The following WDR27 variants were observed in gnomAD, a reference collection of about 807,000 sequenced individuals.
WDR27 encodes WD repeat-containing protein 27.
Under a neutral mutation model 114.4 loss-of-function variants are expected in WDR27, and 100 were observed. The observed-to-expected ratio is 0.87, with a 90% CI of 0.74 to 1.03. The LOEUF is 1.03. WDR27 is among the 50% of genes least tolerant of loss of function. The pLI, the probability that WDR27 is intolerant of heterozygous loss-of-function variation, is 0.00. For synonymous variants in WDR27, 449 were observed against 423.1 expected, an observed-to-expected ratio of 1.06 and a Z score of -0.75; for missense variants, 1,129 against 1,092.9, an observed-to-expected ratio of 1.03 and a Z score of -0.47.
At chr6:169,665,033 GCGGGCACGGGGGATGCCACACA>G in intron 7 of WDR27, 1 of 3,550 alleles carries the variant, frequency 2.8e-4, no homozygotes, top group African/African-American at 2.0e-3. Flanking sequence ...CGGGCAGCGT[GCGGGCACGGGGGATGCCACACA>G]GGAGCCGTCC....
chr6:169,460,396 A>G (rs962555572), intron 25 of WDR27, among the ~76,000 whole-genome samples: 3 of 152,206 alleles, frequency 2.0e-5, no homozygotes, highest in African/African-American at 4.8e-5. Flanking sequence ...AGAATACTAC[A>G]TGTAATTCCC....
At chr6:169,449,359 G>A in the WDR27 span, among the ~76,000 whole-genome samples, 1 of 152,124 alleles carries the variant, frequency 6.6e-6, no homozygotes, top group African/African-American at 2.4e-5. Context: ...CAAACTCCAG[G>A]GGAATTCCTG....
intron 2 of WDR27, among the ~76,000 whole-genome samples, chr6:169,674,587 A>T (rs1779600155): frequency 6.6e-6 from 1 of 152,230 alleles, no homozygotes; most frequent in African/African-American, 2.4e-5. Context: ...GAGCTGTGGG[A>T]AACTTCACGT....
chr6:169,586,847 CAAAAA>C (rs3029697), intron 23 of WDR27, among the ~76,000 whole-genome samples: 7 of 32,056 alleles, frequency 2.2e-4, no homozygotes, highest in South Asian at 2.1e-3. Context: ...GACTCTGTCT[CAAAAA>C]AAAAAAAAAA....
chr6:169,437,652 T>C, the WDR27 span, among the ~76,000 whole-genome samples: 1 of 152,190 alleles, frequency 6.6e-6, no homozygotes, highest in African/African-American at 2.4e-5. Flanking sequence ...AAGGTACATA[T>C]TGTTGCTTAA....
the WDR27 span, among the ~76,000 whole-genome samples, chr6:169,442,265 A>G: frequency 6.6e-6 from 1 of 152,334 alleles, no homozygotes; most frequent in East Asian, 1.9e-4. Context: ...GGCTCCCTTT[A>G]TTGCCCTCAC....
chr6:169,491,757 C>G (rs1333581436), intron 25 of WDR27, among the ~76,000 whole-genome samples: 1 of 152,120 alleles, frequency 6.6e-6, no homozygotes, highest in Non-Finnish European at 1.5e-5. Flanking sequence ...TTAAGCTCAA[C>G]AGCAGGTCCA....
intron 25 of WDR27, among the ~76,000 whole-genome samples, chr6:169,497,760 A>T (rs1469721340): frequency 6.6e-6 from 1 of 152,178 alleles, no homozygotes. Flanking sequence ...ACAAATATTG[A>T]TGAGGAGGTG....
intron 23 of WDR27, among the ~76,000 whole-genome samples, chr6:169,583,426 A>AT (rs1803861107): frequency 1.4e-5 from 2 of 144,160 alleles, no homozygotes; most frequent in Admixed American, 7.0e-5. Flanking sequence ...AAATACTTAG[A>AT]TTTTTTATAG....
At chr6:169,644,461 C>A (rs924146859) in intron 16 of WDR27, among the ~76,000 whole-genome samples, 7 of 151,640 alleles carry the variant, frequency 4.6e-5, no homozygotes, top group Non-Finnish European at 8.8e-5. Flanking sequence ...TCACAGGAGT[C>A]ACACTGTAGA....
At chr6:169,475,684 A>G (rs1284124710) in intron 25 of WDR27, among the ~76,000 whole-genome samples, 1 of 152,212 alleles carries the variant, frequency 6.6e-6, no homozygotes, top group Non-Finnish European at 1.5e-5. Flanking sequence ...CATATTTAAT[A>G]TGTATCAAGC....
chr6:169,670,804 G>A (rs1165670080), intron 3 of WDR27, 111 bp from the exon 4 acceptor site: 3 of 1,372,160 alleles, frequency 2.2e-6, no homozygotes, highest in Admixed American at 4.0e-5. Flanking sequence ...CTGAGAGAAT[G>A]ACAATGAGCT....
At position 169,569,024 on chromosome 6, in the gene WDR27, G is replaced by A. The variant is rs372612650; in HGVS notation, c.2645+3395C>T. On this transcript the variant is annotated intron_variant, in intron 25 of 25. Transcript: ENST00000448612. ...AGGAAGAGACGCCGCCCACCCAAAAGCTTTGAAGCCCCTCTTCCATCAACA... is the reference window on the plus strand; with the variant it reads ...AGGAAGAGACGCCGCCCACCCAAAAACTTTGAAGCCCCTCTTCCATCAACA... 1.8e-4 allele frequency among the ~76,000 whole-genome samples: 27 copies of A among 152,186 alleles called. No homozygotes were observed. In the East Asian group the frequency reaches 2.7e-3, roughly 15 times the overall value.
At position 169,614,150 on chromosome 6, in the gene WDR27, T is replaced by G. The variant is rs796976452; in HGVS notation, c.2224-494A>C. On this transcript the variant is annotated intron_variant, in intron 21 of 25. Transcript: ENST00000448612. ...GCCCTGACTCTGACTTGCTCCCCTT[T>G]CCCTGTGCTGCTATCAGAAGCAATT... Among the ~76,000 whole-genome samples, 3 of 152,250 alleles carry G rather than the reference T, an allele frequency of 2.0e-5. No homozygotes were observed. In the South Asian group the frequency reaches 6.2e-4, roughly 32 times the overall value.
intron 6 of WDR27, 57 bp from the exon 7 acceptor site, chr6:169,665,613 C>A: frequency 6.6e-7 from 1 of 1,505,900 alleles, no homozygotes; most frequent in South Asian, 1.2e-5. Context: ...CCAATTAACC[C>A]GAGAACTGTC....
intron 23 of WDR27, among the ~76,000 whole-genome samples, chr6:169,599,230 A>C (rs1807448603): frequency 6.6e-6 from 1 of 151,874 alleles, no homozygotes; most frequent in Non-Finnish European, 1.5e-5. Flanking sequence ...AAAAGAGCAC[A>C]GAGGACAATA....
rs372429980 is a variant in WDR27, at chr6:169,598,285, G to C, written c.2424+3934C>G. 1.9e-4 allele frequency among the ~76,000 whole-genome samples: 29 copies of C among 152,308 alleles called. No individual in the cohort carries two copies. The East Asian group carries it at 2.5e-3, about 13-fold the overall frequency. On this transcript the variant is annotated intron_variant, in intron 23 of 25. Coordinates refer to ENST00000448612, the MANE Select transcript of WDR27 (RefSeq NM_182552.5). ...ATGCTATAACACAATACCTGAAACT[G>C]CGTAATATACAAAGAATGGAAATGT... is the stretch of plus-strand genomic sequence containing the variant.
rs760801839 is a variant in WDR27 at position 169,582,929 on chromosome 6, G to A, written c.2430C>T (p.Tyr810=). 14 of 1,613,568 alleles carry A rather than the reference G, an allele frequency of 8.7e-6. No individual in the cohort carries two copies. Among genetic ancestry groups the A allele is most frequent in the Admixed American group, 1.7e-5 (1 of 59,976 alleles). The change falls in exon 24 of 26, where the codon TAC becomes TAT. Residue 810 remains tyrosine (Y), a synonymous_variant. Transcript: ENST00000448612. ...ACGTGCTTGAGCCCATTTCATACACGTAAGCCTACAAGACAAGATGAGCAG... is the reference window on the plus strand; with the variant it reads ...ACGTGCTTGAGCCCATTTCATACACATAAGCCTACAAGACAAGATGAGCAG... ...AACGAEDRHA[Y]VYEMGSSTFS...
chr6:169,522,576 C>T (rs1468581349), intron 25 of WDR27, among the ~76,000 whole-genome samples: 9 of 151,978 alleles, frequency 5.9e-5, no homozygotes, highest in African/African-American at 2.2e-4. Context: ...GAACACAAAA[C>T]AAGTATCAAC....
Sources: allele counts gnomAD v4.1 joint callset (sites outside exome capture counted in the v4.1 genomes callset), GRCh38; gene constraint gnomAD v4.1.1; transcripts MANE v1.5; gene names NCBI Gene and HGNC (gene_info 2026-07-23, HGNC 2026-07-21).